Variants in FCRL4 observed in about 807,000 individuals in gnomAD.
The protein encoded by FCRL4 is Fc receptor-like protein 4.
FCRL4 carries 43 observed loss-of-function variants against 64.1 expected under a neutral mutation model. The observed-to-expected ratio is 0.67, with a 90% CI of 0.53 to 0.87. The LOEUF (loss-of-function observed/expected upper bound fraction) is 0.87. Ranked by LOEUF, FCRL4 falls within the 40% of genes least tolerant of loss-of-function variation. FCRL4 has a pLI of 0.00. For synonymous variants in FCRL4, 253 were observed against 239.8 expected (o/e 1.05, Z -0.51); for missense variants, 656 against 613.5 (o/e 1.07, Z -0.73).
In FCRL4 at chr1:157,586,241, T is replaced by TG; in HGVS notation, c.1061dup (p.Gly355ArgfsTer99). 6.2e-7 allele frequency: 1 copy of TG among 1,614,142 alleles called. No individual in the cohort carries two copies. Among genetic ancestry groups the TG allele is most frequent in the Non-Finnish European group, 8.5e-7 (1 of 1,180,006 alleles). On this transcript the variant is annotated frameshift_variant, in exon 6 of 12. Transcript: ENST00000271532. LOFTEE classifies it high-confidence loss of function. ...TGTCTGCTGTACAGTAGTATCCCCC[T>TG]GCATGGCTCTGTCTGATGGCAGGGA...
In FCRL4 at chr1:157,577,772, G is replaced by T. The variant is rs539336487; in HGVS notation, c.1429+702C>A. On this transcript the variant is annotated intron_variant, in intron 10 of 11. Coordinates refer to ENST00000271532, the MANE Select transcript of FCRL4 (RefSeq NM_031282.3). ...TGATAGGCATATTTGTAAGATGAAAGTATCTTAGGCCGGGGTAAGAACTAC... is the reference window on the plus strand; with the variant it reads ...TGATAGGCATATTTGTAAGATGAAATTATCTTAGGCCGGGGTAAGAACTAC... Among the ~76,000 whole-genome samples the T allele has an allele frequency of 6.8e-3, 1,040 of 152,294 alleles. 6 individuals are homozygous for T. Among genetic ancestry groups the T allele is most frequent in the Middle Eastern group, 0.027 (8 of 294 alleles).
intron 9 of FCRL4, 70 bp downstream of exon 9, chr1:157,578,687 TCCAGGGGCATTTC>T: frequency 6.8e-7 from 1 of 1,460,552 alleles, no homozygotes; most frequent in Non-Finnish European, 9.6e-7. Context: ...CTTTAGGGAG[TCCAGGGGCATTTC>T]CCAGGGCTGA....
Position 157,575,180 on chromosome 1 carries a change from C to A in FCRL4, c.*344G>T, listed in dbSNP as rs183069311. On this transcript the variant is annotated 3_prime_UTR_variant, in exon 12 of 12. Coordinates refer to ENST00000271532, the MANE Select transcript of FCRL4 (RefSeq NM_031282.3). ...TTCATCTCTGCAAATCCCAATTCAC[C>A]AAAATTTGTGCTTCTGTTTTTCATA... 213 of 339,614 alleles carry A rather than the reference C, an allele frequency of 6.3e-4. 1 individual carries two copies. Among genetic ancestry groups the A allele is most frequent in the Non-Finnish European group, 9.9e-4 (181 of 183,098 alleles). The allele number at this position is 339,614 out of a possible 1,614,324, so 21.0% of individuals were successfully genotyped here.
chr1:157,580,813 T>C (rs148348166), intron 7 of FCRL4, among the ~76,000 whole-genome samples: 101 of 152,316 alleles, frequency 6.6e-4, no homozygotes, highest in Non-Finnish European at 3.4e-4. Context: ...AAAGTTGAAT[T>C]GAATTAAGAG....
At chr1:157,579,699 AATAC>A (rs71084243) in intron 8 of FCRL4, among the ~76,000 whole-genome samples, 28,898 of 122,982 alleles carry the variant, frequency 0.23, 2,951 homozygotes, top group Non-Finnish European at 0.27. Flanking sequence ...CCTGGGTGAC[AATAC>A]ATACATACAT....
chr1:157,580,310 T>A lies in FCRL4; in HGVS notation c.1277+11A>T. On this transcript the variant is annotated intron_variant, in intron 8 of 11. Transcript: ENST00000271532. Reference sequence around the variant, plus strand: ...GAAACTAAAAAGGAATGGCAGAAACTGAGGTCTCACCTGGTTTCGTCTCCC... The same window carrying A: ...GAAACTAAAAAGGAATGGCAGAAACAGAGGTCTCACCTGGTTTCGTCTCCC... 6.2e-7 allele frequency: 1 copy of A among 1,614,056 alleles called. No homozygotes were observed. Among genetic ancestry groups the A allele is most frequent in the Non-Finnish European group, 8.5e-7 (1 of 1,179,940 alleles).
intron 4 of FCRL4, 49 bp downstream of exon 4, chr1:157,587,816 T>C: frequency 2.6e-6 from 4 of 1,536,506 alleles, no homozygotes; most frequent in Non-Finnish European, 3.6e-6. Flanking sequence ...ATGCTCAGTT[T>C]CCTATCCCTG....
chr1:157,593,670 G>T (rs1571145553), intron 2 of FCRL4, among the ~76,000 whole-genome samples: 1 of 152,130 alleles, frequency 6.6e-6, no homozygotes, highest in Non-Finnish European at 1.5e-5. Context: ...GCTTATTGTT[G>T]TTCAATAATA....
At chr1:157,585,338 C>CTT (rs2101680275) in intron 6 of FCRL4, among the ~76,000 whole-genome samples, 2 of 53,312 alleles carry the variant, frequency 3.8e-5, no homozygotes, top group East Asian at 6.1e-4. Flanking sequence ...CTCTTTCTTT[C>CTT]TCTCTCTCTT....
In FCRL4 at chr1:157,578,456, C is replaced by A; in HGVS notation, c.1429+18G>T. The A allele has an allele frequency of 1.9e-6, 3 of 1,599,714 alleles. No homozygotes were observed. In the South Asian group the frequency reaches 3.3e-5, roughly 18 times the overall value. ...AATGAATATAGTTTGCAGCCAGAATCTCTTCCCAAAGACGTACCTTCCTCT... is the reference window on the plus strand; with the variant it reads ...AATGAATATAGTTTGCAGCCAGAATATCTTCCCAAAGACGTACCTTCCTCT... On this transcript the variant is annotated intron_variant, in intron 10 of 11. Transcript: ENST00000271532.
At chr1:157,585,566 G>A (rs777748643) in intron 6 of FCRL4, among the ~76,000 whole-genome samples, 18 of 152,056 alleles carry the variant, frequency 1.2e-4, no homozygotes, top group Non-Finnish European at 2.2e-4. Flanking sequence ...AGGAAGAGAT[G>A]TATATGAGCT....
intron 1 of FCRL4, among the ~76,000 whole-genome samples, chr1:157,597,102 G>T (rs1030374233): frequency 2.0e-5 from 3 of 152,088 alleles, no homozygotes; most frequent in Non-Finnish European, 1.5e-5. Context: ...GCATGTGTAC[G>T]TTGAGGTTCT....
rs2101684300 is a variant in FCRL4, at chr1:157,589,191, C to T, written c.307+13G>A. On this transcript the variant is annotated intron_variant, in intron 3 of 11. Coordinates refer to ENST00000271532, the MANE Select transcript of FCRL4 (RefSeq NM_031282.3). ...CATTTATAAAGTTTCAACTAATTCA[C>T]CTTCTTTCTCACCTGAAGAAAAGAG... The T allele has an allele frequency of 6.2e-7, 1 of 1,609,480 alleles. No individual in the cohort carries two copies. Among genetic ancestry groups the T allele is most frequent in the Non-Finnish European group, 8.5e-7 (1 of 1,176,826 alleles).
intron 6 of FCRL4, among the ~76,000 whole-genome samples, chr1:157,584,110 T>A (rs1652620886): frequency 6.6e-6 from 1 of 152,228 alleles, no homozygotes; most frequent in African/African-American, 2.4e-5. Flanking sequence ...AGATTCACTG[T>A]TATCTCCTCA....
intron 6 of FCRL4, among the ~76,000 whole-genome samples, chr1:157,583,582 A>G (rs1199307945): frequency 1.3e-5 from 2 of 152,196 alleles, no homozygotes; most frequent in African/African-American, 4.8e-5. Flanking sequence ...CCATGTAAGG[A>G]CACAGCAAGC....
intron 8 of FCRL4, 31 bp from the exon 9 acceptor site, chr1:157,578,883 T>C: frequency 6.4e-7 from 1 of 1,551,392 alleles, no homozygotes; most frequent in Non-Finnish European, 8.8e-7. Flanking sequence ...TAATAATCCC[T>C]GGAACACTGT....
At chr1:157,586,607 G>A (rs372907638) in intron 5 of FCRL4, 152 bp from the exon 6 acceptor site, 32 of 659,940 alleles carry the variant, frequency 4.8e-5, no homozygotes, top group African/African-American at 3.6e-4. Flanking sequence ...CAGATTTAGC[G>A]CTGAGAATAT....
At chr1:157,589,534 T>C (rs1190589194) in intron 2 of FCRL4, 76 bp from the exon 3 acceptor site, 4 of 1,548,026 alleles carry the variant, frequency 2.6e-6, no homozygotes, top group South Asian at 1.2e-5. Context: ...TGGGTTACAG[T>C]GGAGGACATG....
rs1652371742 is a variant in FCRL4 at position 157,575,192 on chromosome 1, T to C, written c.*332A>G. ...AATCCCAATTCACCAAAATTTGTGC[T>C]TCTGTTTTTCATAACAGTCCTTCTC... On this transcript the variant is annotated 3_prime_UTR_variant, in exon 12 of 12. Coordinates refer to ENST00000271532, the MANE Select transcript of FCRL4 (RefSeq NM_031282.3). The C allele has an allele frequency of 2.9e-6, 1 of 344,910 alleles. No individual in the cohort carries two copies. The highest frequency in any genetic ancestry group is 2.0e-5 in the African/African-American group (1 of 48,902). The allele number at this position is 344,910 out of a possible 1,614,324, so 21.4% of individuals were successfully genotyped here.
Sources: allele counts gnomAD v4.1 joint callset (sites outside exome capture counted in the v4.1 genomes callset), GRCh38; gene constraint gnomAD v4.1.1; transcripts MANE v1.5; gene names NCBI Gene and HGNC (gene_info 2026-07-23, HGNC 2026-07-21).